OXCT1: variants seen among roughly 807,000 people sequenced by gnomAD.
OXCT1 encodes 3-oxoacid CoA-transferase 1, also known as succinyl-CoA:3-ketoacid coenzyme A transferase 1, mitochondrial.
A neutral mutation model predicts 69.6 loss-of-function variants in OXCT1; 27 were observed. The ratio of observed to expected loss-of-function variants is 0.39; its 90% CI spans 0.29 to 0.54. OXCT1 has a LOEUF of 0.54. OXCT1 is among the 20% of genes least tolerant of loss of function. The probability of loss-of-function intolerance (pLI) is 0.72; values close to 1 mark genes in which losing one functional copy is unlikely to be tolerated. For missense variants in OXCT1, 437 were observed against 650.2 expected (o/e 0.67, Z 3.57); for synonymous variants, 202 against 217.8 (o/e 0.93, Z 0.64).
At chr5:41,753,308 T>G (rs797000022) in intron 14 of OXCT1, among the ~76,000 whole-genome samples, 3 of 91,338 alleles carry the variant, frequency 3.3e-5, no homozygotes, top group Non-Finnish European at 4.7e-5. Context: ...CACACACACA[T>G]AGACACACAC....
chr5:41,855,970 A>C (rs1363493330), intron 3 of OXCT1, among the ~76,000 whole-genome samples: 2 of 152,170 alleles, frequency 1.3e-5, no homozygotes, highest in Non-Finnish European at 2.9e-5. Flanking sequence ...GCAAAGATGC[A>C]CTCAGGAAAC....
chr5:41,752,241 G>A lies in OXCT1; in HGVS notation c.1339-2634C>T, dbSNP rs540611499. Among the ~76,000 whole-genome samples the A allele has an allele frequency of 2.0e-5, 3 of 152,166 alleles. No individual in the cohort carries two copies. The East Asian group carries it at 5.8e-4, about 30-fold the overall frequency. ...TTTTGTGGTCCCTTAAATTCTTTGT[G>A]CCATAGTTCTCTCTTATCCTTTGCT... On this transcript the variant is annotated intron_variant, in intron 14 of 16. Coordinates refer to ENST00000196371, the MANE Select transcript of OXCT1 (RefSeq NM_000436.4).
At chr5:41,786,036 T>C (rs370154680) in intron 13 of OXCT1, among the ~76,000 whole-genome samples, 3 of 152,228 alleles carry the variant, frequency 2.0e-5, no homozygotes, top group African/African-American at 4.8e-5. Context: ...ATGGGGGCCA[T>C]GTGAGAGAGG....
At chr5:41,790,418 T>C (rs1354343583) in intron 13 of OXCT1, among the ~76,000 whole-genome samples, 1 of 152,246 alleles carries the variant, frequency 6.6e-6, no homozygotes, top group Non-Finnish European at 1.5e-5. Flanking sequence ...ACTACTGTTT[T>C]GTCAAGTTTT....
intron 6 of OXCT1, 31 bp from the exon 7 acceptor site, chr5:41,840,542 G>A: frequency 6.6e-7 from 1 of 1,507,610 alleles, no homozygotes; most frequent in Non-Finnish European, 9.2e-7. Flanking sequence ...AGAAAGTGGG[G>A]GGGAAAAGAC....
chr5:41,857,825 A>G (rs992098755), intron 3 of OXCT1, among the ~76,000 whole-genome samples: 2 of 152,216 alleles, frequency 1.3e-5, no homozygotes, highest in Non-Finnish European at 2.9e-5. Flanking sequence ...ATTACGTTTG[A>G]TATCATCTAC....
chr5:41,747,380 A>G (rs934682272), intron 15 of OXCT1, among the ~76,000 whole-genome samples: 1 of 152,104 alleles, frequency 6.6e-6, no homozygotes, highest in Non-Finnish European at 1.5e-5. Context: ...TTCGAGGCTC[A>G]CCATTCAATC....
intron 13 of OXCT1, among the ~76,000 whole-genome samples, chr5:41,787,634 C>CAAAAAAAAAAA (rs765691863): frequency 2.0e-4 from 7 of 34,708 alleles, no homozygotes; most frequent in East Asian, 1.6e-3. Context: ...AAGCATTAGG[C>CAAAAAAAAAAA]AAAAAAAAAA....
chr5:41,862,551 C>A (rs1016748909), intron 2 of OXCT1, 91 bp downstream of exon 2: 2 of 729,472 alleles, frequency 2.7e-6, no homozygotes, highest in African/African-American at 3.5e-5. Flanking sequence ...AAATAATTAT[C>A]ATTTTTATAC....
intron 13 of OXCT1, among the ~76,000 whole-genome samples, chr5:41,765,402 T>C (rs1744549225): frequency 6.6e-6 from 1 of 152,190 alleles, no homozygotes; most frequent in Non-Finnish European, 1.5e-5. Flanking sequence ...TAAAGGACCA[T>C]CTGTTGCACA....
chr5:41,863,397 T>C (rs977840161), intron 1 of OXCT1, among the ~76,000 whole-genome samples: 1 of 152,132 alleles, frequency 6.6e-6, no homozygotes, highest in African/African-American at 2.4e-5. Flanking sequence ...TCCGCAGATC[T>C]CTTGAATTTA....
chr5:41,738,166 T>C (rs1742984644), intron 16 of OXCT1, among the ~76,000 whole-genome samples: 1 of 152,216 alleles, frequency 6.6e-6, no homozygotes, highest in Admixed American at 6.5e-5. Flanking sequence ...TAAATTAGTT[T>C]CTCCAAGATG....
chr5:41,800,921 A>G (rs1746390070), intron 11 of OXCT1, 101 bp downstream of exon 11: 2 of 968,100 alleles, frequency 2.1e-6, no homozygotes, highest in Non-Finnish European at 3.4e-6. Context: ...AATGAATACC[A>G]TGGAGTGCTC....
rs1003340340 is a variant in OXCT1, at chr5:41,730,442, A to G, written c.*1287T>C. ...TGAAAAGAAGTGAGTTTCAATGACC[A>G]TCATCACCTAAAAACATGAATAAGT... On this transcript the variant is annotated 3_prime_UTR_variant, in exon 17 of 17. Transcript: ENST00000196371. The G allele has an allele frequency of 1.3e-5, 2 of 152,232 alleles. No homozygotes were observed. Among genetic ancestry groups the G allele is most frequent in the African/African-American group, 4.8e-5 (2 of 41,456 alleles). The allele number at this position is 152,232 out of a possible 1,614,324, so 9.4% of individuals were successfully genotyped here.
intron 4 of OXCT1, among the ~76,000 whole-genome samples, chr5:41,852,880 A>G (rs1181483405): frequency 6.6e-6 from 1 of 152,162 alleles, no homozygotes; most frequent in African/African-American, 2.4e-5. Context: ...CAACATGGTG[A>G]AATCCCGTCT....
intron 13 of OXCT1, among the ~76,000 whole-genome samples, chr5:41,782,946 A>T (rs1745480566): frequency 6.6e-6 from 1 of 152,200 alleles, no homozygotes; most frequent in African/African-American, 2.4e-5. Flanking sequence ...AATTAACATT[A>T]GGGTGCTTAT....
chr5:41,853,070 CA>C (rs879645223), intron 4 of OXCT1, among the ~76,000 whole-genome samples: 32 of 140,896 alleles, frequency 2.3e-4, no homozygotes, highest in African/African-American at 3.1e-4. Context: ...GACTCTGCCT[CA>C]AAAAAAAAAA....
intron 1 of OXCT1, among the ~76,000 whole-genome samples, chr5:41,863,409 T>A (rs1187945600): frequency 1.3e-5 from 2 of 152,180 alleles, no homozygotes; most frequent in Admixed American, 1.3e-4. Context: ...TTGAATTTAT[T>A]CCTCCTAAAT....
At chr5:41,781,821 T>C (rs962444807) in intron 13 of OXCT1, among the ~76,000 whole-genome samples, 2 of 152,220 alleles carry the variant, frequency 1.3e-5, no homozygotes, top group South Asian at 4.1e-4. Flanking sequence ...TAGCATGGTA[T>C]ATATGTGCCA....
Sources: gnomAD v4.1 joint callset for allele counts (sites outside exome capture counted in the v4.1 genomes callset) on GRCh38, gnomAD v4.1.1 for gene constraint, MANE v1.5 for transcripts, NCBI Gene and HGNC (gene_info 2026-07-23, HGNC 2026-07-21) for gene names.